The following UNC5D variants were observed in gnomAD, a reference collection of about 807,000 sequenced individuals.
UNC5D encodes the protein netrin receptor UNC5D.
In UNC5D, 39 loss-of-function variants were observed where a neutral mutation model predicts 105.4. The ratio of observed to expected loss-of-function variants is 0.37; its 90% CI spans 0.29 to 0.48. The LOEUF is 0.48. Ranked by LOEUF, UNC5D falls within the 20% of genes least tolerant of loss-of-function variation. The probability of loss-of-function intolerance (pLI) is 0.98; values close to 1 mark genes in which losing one functional copy is unlikely to be tolerated. For synonymous variants in UNC5D, 452 were observed against 450.4 expected, an observed-to-expected ratio of 1.00 and a Z score of -0.04; for missense variants, 991 against 1,202.4, an observed-to-expected ratio of 0.82 and a Z score of 2.60.
chr8:35,344,520 G>C (rs1811669366), intron 1 of UNC5D, among the ~76,000 whole-genome samples: 1 of 151,992 alleles, frequency 6.6e-6, no homozygotes. Flanking sequence ...AGGAAGTTGG[G>C]AGTGCTTTAA....
chr8:35,753,130 G>A (rs1043802820), intron 13 of UNC5D, among the ~76,000 whole-genome samples: 4 of 152,114 alleles, frequency 2.6e-5, no homozygotes, highest in South Asian at 2.1e-4. Context: ...TACTGTGGAC[G>A]TCATGAAAAC....
At chr8:35,638,382 C>T (rs752865549) in intron 4 of UNC5D, among the ~76,000 whole-genome samples, 7 of 152,204 alleles carry the variant, frequency 4.6e-5, no homozygotes, top group South Asian at 2.1e-4. Flanking sequence ...AATTAATATG[C>T]ACTTTTCCTA....
At chr8:35,471,007 C>A (rs1447407570) in intron 1 of UNC5D, among the ~76,000 whole-genome samples, 1 of 152,042 alleles carries the variant, frequency 6.6e-6, no homozygotes, top group African/African-American at 2.4e-5. Context: ...AATTATTAGT[C>A]TTAACTTCAC....
rs576847674 is a variant in UNC5D, at chr8:35,795,948, A to G, written c.*5385A>G. 7 of 152,300 alleles carry G rather than the reference A, an allele frequency of 4.6e-5. No homozygotes were observed. The highest frequency in any genetic ancestry group is 4.1e-4 in the South Asian group (2 of 4,830). The allele number at this position is 152,300 out of a possible 1,614,324, so 9.4% of individuals were successfully genotyped here. A position where few individuals can be genotyped will look rare whatever the true frequency, so the allele number is the denominator to read the frequency against. ...TGGCTCATTCTTCTGACCCAAACTC[A>G]AAAAATATGAGTACTTGCGTACCTC... On this transcript the variant is annotated 3_prime_UTR_variant, in exon 17 of 17. Coordinates refer to ENST00000404895, the MANE Select transcript of UNC5D (RefSeq NM_080872.4).
rs540373902 is a variant in UNC5D, at chr8:35,634,967, C to T, written c.570+39310C>T. 1.8e-3 allele frequency among the ~76,000 whole-genome samples: 272 copies of T among 152,044 alleles called. 1 individual carries two copies. The highest frequency in any genetic ancestry group is 6.2e-3 in the African/African-American group (256 of 41,504). ...TTTTAGCAGAGACGGGATTTCTCCA[C>T]GTTGGTCAGGCTGGTCTTGAACTCC... On this transcript the variant is annotated intron_variant, in intron 4 of 16. Transcript: ENST00000404895.
At chr8:35,750,874 T>C (rs1830249795) in intron 13 of UNC5D, 65 bp downstream of exon 13, 9 of 1,589,206 alleles carry the variant, frequency 5.7e-6, no homozygotes, top group African/African-American at 1.3e-5. Context: ...AAAAGATCAG[T>C]ATCAATTGAA....
intron 1 of UNC5D, among the ~76,000 whole-genome samples, chr8:35,369,578 C>A (rs1185392585): frequency 6.6e-6 from 1 of 152,110 alleles, no homozygotes; most frequent in African/African-American, 2.4e-5. Context: ...TGACTTGGCC[C>A]AGGAGTGCTG....
At chr8:35,613,854 A>G (rs1820850832) in intron 4 of UNC5D, among the ~76,000 whole-genome samples, 1 of 152,162 alleles carries the variant, frequency 6.6e-6, no homozygotes, top group Non-Finnish European at 1.5e-5. Flanking sequence ...CTCAAAAACA[A>G]ACAAACAAAA....
intron 1 of UNC5D, among the ~76,000 whole-genome samples, chr8:35,374,656 G>GTTTCAT (rs1316025725): frequency 1.3e-5 from 2 of 152,086 alleles, no homozygotes; most frequent in African/African-American, 4.8e-5. Context: ...CTAAATTCCC[G>GTTTCAT]TTTCATTTAT....
intron 1 of UNC5D, among the ~76,000 whole-genome samples, chr8:35,434,454 T>C (rs1563414610): frequency 6.6e-6 from 1 of 152,080 alleles, no homozygotes. Flanking sequence ...TTAACAGAAA[T>C]AATCTGTTTT....
At chr8:35,502,420 A>G (rs1213798723) in intron 1 of UNC5D, among the ~76,000 whole-genome samples, 4 of 152,244 alleles carry the variant, frequency 2.6e-5, no homozygotes, top group African/African-American at 9.6e-5. Flanking sequence ...ATCCCAGATG[A>G]CCATGGGAGC....
At chr8:35,307,313 C>T (rs1325739807) in intron 1 of UNC5D, among the ~76,000 whole-genome samples, 1 of 152,116 alleles carries the variant, frequency 6.6e-6, no homozygotes, top group Non-Finnish European at 1.5e-5. Context: ...TGTAGTGACT[C>T]ATTACTACTT....
intron 6 of UNC5D, 132 bp downstream of exon 6, chr8:35,684,881 G>A: frequency 8.4e-7 from 1 of 1,187,134 alleles, no homozygotes; most frequent in Non-Finnish European, 1.1e-6. Flanking sequence ...TTTATCCAAG[G>A]TGCTAATGTA....
chr8:35,311,955 C>T (rs554223104), intron 1 of UNC5D, among the ~76,000 whole-genome samples: 21 of 151,938 alleles, frequency 1.4e-4, no homozygotes, highest in African/African-American at 4.1e-4. Context: ...CCTAGAATAA[C>T]GGGAAAAAAA....
At chr8:35,318,400 TAAGA>T (rs980572147) in intron 1 of UNC5D, among the ~76,000 whole-genome samples, 53 of 152,088 alleles carry the variant, frequency 3.5e-4, no homozygotes, top group Non-Finnish European at 7.4e-4. Context: ...CATGAATTCC[TAAGA>T]CACATACAAT....
At chr8:35,382,490 C>T (rs1454231871) in intron 1 of UNC5D, among the ~76,000 whole-genome samples, 2 of 152,050 alleles carry the variant, frequency 1.3e-5, no homozygotes, top group African/African-American at 2.4e-5. Context: ...AAAAATTTAG[C>T]GCTTTCTTTT....
intron 1 of UNC5D, among the ~76,000 whole-genome samples, chr8:35,267,704 T>C (rs1040894416): frequency 3.9e-5 from 6 of 152,228 alleles, no homozygotes; most frequent in African/African-American, 1.4e-4. Context: ...CCCAAAGTGC[T>C]GGGATTACAG....
chr8:35,419,622 A>G (rs937690672), intron 1 of UNC5D, among the ~76,000 whole-genome samples: 2 of 152,072 alleles, frequency 1.3e-5, no homozygotes, highest in African/African-American at 2.4e-5. Flanking sequence ...AGCGCAGTGG[A>G]TGGGAGGGAG....
intron 7 of UNC5D, among the ~76,000 whole-genome samples, chr8:35,698,712 A>G (rs563120548): frequency 1.2e-4 from 18 of 152,268 alleles, no homozygotes; most frequent in Non-Finnish European, 2.4e-4. Context: ...ATCACGTGGC[A>G]ATAAACATGG....
Sources: allele counts gnomAD v4.1 joint callset (sites outside exome capture counted in the v4.1 genomes callset), GRCh38; gene constraint gnomAD v4.1.1; transcripts MANE v1.5; gene names NCBI Gene and HGNC (gene_info 2026-07-23, HGNC 2026-07-21).